Variants in KCNMB2 observed in about 807,000 individuals in gnomAD.
KCNMB2 encodes the protein calcium-activated potassium channel subunit beta-2.
Under a neutral mutation model 24.5 loss-of-function variants are expected in KCNMB2, and 9 were observed. The ratio of observed to expected loss-of-function variants is 0.37; its 90% CI spans 0.22 to 0.64. The LOEUF (loss-of-function observed/expected upper bound fraction) is 0.64. Ranked by LOEUF, KCNMB2 falls within the 30% of genes least tolerant of loss-of-function variation. KCNMB2 has a pLI of 0.63. For synonymous variants in KCNMB2, 109 were observed against 104.4 expected (o/e 1.04, Z -0.27); for missense variants, 226 against 284.3 (o/e 0.79, Z 1.47).
At chr3:178,564,663 G>GA (rs1423232972) in intron 1 of KCNMB2, among the ~76,000 whole-genome samples, 2 of 152,146 alleles carry the variant, frequency 1.3e-5, no homozygotes, top group Non-Finnish European at 2.9e-5. Context: ...TTCTGCACAA[G>GA]AAAACTAGAG....
intron 3 of KCNMB2, among the ~76,000 whole-genome samples, 194 bp downstream of exon 3, chr3:178,825,952 C>G (rs4076994): frequency 0.63 from 96,139 of 152,018 alleles, 31,868 homozygotes; most frequent in African/African-American, 0.83. Flanking sequence ...AATCTGGATA[C>G]CAGGTGTCAA....
chr3:178,636,282 T>A (rs1055245410), intron 1 of KCNMB2, among the ~76,000 whole-genome samples: 1 of 152,134 alleles, frequency 6.6e-6, no homozygotes. Flanking sequence ...GATAAAAGAA[T>A]ACAAATATAA....
At chr3:178,697,534 C>T (rs1039034344) in intron 1 of KCNMB2, among the ~76,000 whole-genome samples, 7 of 152,118 alleles carry the variant, frequency 4.6e-5, no homozygotes, top group African/African-American at 1.7e-4. Flanking sequence ...AGACAGCAGC[C>T]CAATGGGTCT....
At chr3:178,804,659 A>C (rs1481763694) in intron 1 of KCNMB2, among the ~76,000 whole-genome samples, 1 of 152,224 alleles carries the variant, frequency 6.6e-6, no homozygotes, top group Non-Finnish European at 1.5e-5. Flanking sequence ...ATGTATTGAA[A>C]TCACTGCAGC....
intron 1 of KCNMB2, among the ~76,000 whole-genome samples, chr3:178,662,506 G>T (rs1720567953): frequency 6.6e-6 from 1 of 152,016 alleles, no homozygotes. Context: ...ACACCATTAT[G>T]GTCTTATACC....
chr3:178,662,169 T>A (rs1472578579), intron 1 of KCNMB2, among the ~76,000 whole-genome samples: 2 of 152,198 alleles, frequency 1.3e-5, no homozygotes, highest in African/African-American at 4.8e-5. Flanking sequence ...AATTATCGCA[T>A]AGCCACAGAA....
At chr3:178,602,418 G>T (rs1038708968) in intron 1 of KCNMB2, among the ~76,000 whole-genome samples, 7 of 152,018 alleles carry the variant, frequency 4.6e-5, no homozygotes, top group African/African-American at 1.7e-4. Context: ...AATAAACACG[G>T]TCCAAATCCT....
intron 1 of KCNMB2, among the ~76,000 whole-genome samples, chr3:178,701,456 A>C (rs1165469225): frequency 6.6e-6 from 1 of 152,152 alleles, no homozygotes; most frequent in African/African-American, 2.4e-5. Flanking sequence ...TTTTGGTTTC[A>C]TATGAACTTT....
chr3:178,694,990 T>C (rs1210196905), intron 1 of KCNMB2, among the ~76,000 whole-genome samples: 2 of 152,166 alleles, frequency 1.3e-5, no homozygotes, highest in Non-Finnish European at 2.9e-5. Flanking sequence ...CTGGCAGAGG[T>C]TCTCCATGAG....
intron 1 of KCNMB2, among the ~76,000 whole-genome samples, chr3:178,624,622 C>T (rs1719043671): frequency 1.4e-5 from 2 of 142,072 alleles, no homozygotes; most frequent in Admixed American, 7.2e-5. Flanking sequence ...TTAAAAAAGG[C>T]ATTTAGTTTA....
At chr3:178,761,019 A>G (rs1429511844) in intron 1 of KCNMB2, among the ~76,000 whole-genome samples, 1 of 152,188 alleles carries the variant, frequency 6.6e-6, no homozygotes, top group African/African-American at 2.4e-5. Context: ...AAGGTCTTTA[A>G]TCCCTTGAAT....
intron 1 of KCNMB2, among the ~76,000 whole-genome samples, chr3:178,758,734 G>T (rs866258074): frequency 2.2e-4 from 7 of 31,228 alleles, no homozygotes; most frequent in Admixed American, 3.8e-4. Flanking sequence ...ATATCTCCAA[G>T]AGGAGATATA....
At chr3:178,586,745 G>C (rs181852919) in intron 1 of KCNMB2, among the ~76,000 whole-genome samples, 135 of 151,728 alleles carry the variant, frequency 8.9e-4, no homozygotes, top group African/African-American at 3.2e-3. Context: ...GGGTTTCACC[G>C]TGTTGGTCAG....
intron 1 of KCNMB2, among the ~76,000 whole-genome samples, chr3:178,766,610 T>A (rs553849153): frequency 3.3e-5 from 5 of 152,244 alleles, no homozygotes; most frequent in Non-Finnish European, 7.3e-5. Flanking sequence ...ACTTCGTGCA[T>A]ATTTCTGATA....
intron 1 of KCNMB2, among the ~76,000 whole-genome samples, chr3:178,606,092 G>C (rs2108511676): frequency 1.3e-5 from 2 of 152,308 alleles, no homozygotes; most frequent in South Asian, 2.1e-4. Context: ...AAGGAGATAG[G>C]AAGGAATGAA....
intron 1 of KCNMB2, among the ~76,000 whole-genome samples, chr3:178,599,615 A>G (rs1718006787): frequency 1.3e-5 from 2 of 152,214 alleles, no homozygotes; most frequent in South Asian, 4.1e-4. Flanking sequence ...ATATACACAT[A>G]AAATGTTATT....
At chr3:178,700,937 C>T (rs1346108014) in intron 1 of KCNMB2, among the ~76,000 whole-genome samples, 2 of 152,188 alleles carry the variant, frequency 1.3e-5, no homozygotes, top group African/African-American at 4.8e-5. Flanking sequence ...GTTTCTTTTG[C>T]TGTGCAGAAG....
Position 178,793,521 on chromosome 3 carries a change from GT to G in KCNMB2, c.-67-13821del, listed in dbSNP as rs367956255. On this transcript the variant is annotated intron_variant, in intron 1 of 4. Coordinates refer to ENST00000452583, the MANE Select transcript of KCNMB2 (RefSeq NM_181361.3). ...GGAAGCTGCTCTTCACCCTGGGGGG[GT>G]GGGCAATGGACAGCAGAAGGACTCA... is the stretch of plus-strand genomic sequence containing the variant. Among the ~76,000 whole-genome samples the G allele has an allele frequency of 6.2e-4, 94 of 151,690 alleles. 2 individuals carry two copies. Among genetic ancestry groups the G allele is most frequent in the African/African-American group, 2.1e-3 (87 of 41,500 alleles).
intron 1 of KCNMB2, among the ~76,000 whole-genome samples, chr3:178,773,648 T>C (rs1282407039): frequency 6.6e-6 from 1 of 152,188 alleles, no homozygotes; most frequent in African/African-American, 2.4e-5. Flanking sequence ...TCCATATTCT[T>C]TTTTGGGACT....
Sources: gnomAD v4.1 joint callset for allele counts (sites outside exome capture counted in the v4.1 genomes callset) on GRCh38, gnomAD v4.1.1 for gene constraint, MANE v1.5 for transcripts, NCBI Gene and HGNC (gene_info 2026-07-23, HGNC 2026-07-21) for gene names.